PDLIM5: variants seen among roughly 807,000 people sequenced by gnomAD.
PDLIM5 encodes PDZ and LIM domain protein 5.
In PDLIM5, 34 loss-of-function variants were observed where a neutral mutation model predicts 64.2. That is an observed-to-expected ratio of 0.53 (90% CI 0.40 to 0.71). PDLIM5 has a LOEUF of 0.71. Among genes scored for constraint, PDLIM5 ranks in the 30% least tolerant of loss-of-function variants. The pLI, the probability that PDLIM5 is intolerant of heterozygous loss-of-function variation, is 0.00. For synonymous variants in PDLIM5, 253 were observed against 269.1 expected, an observed-to-expected ratio of 0.94 and a Z score of 0.59; for missense variants, 683 against 733.6, an observed-to-expected ratio of 0.93 and a Z score of 0.80.
Position 94,663,975 on chromosome 4 carries a change from C to T in PDLIM5, c.1702-3C>T. 1.3e-6 allele frequency: 2 copies of T among 1,594,180 alleles called. No individual in the cohort carries two copies. The highest frequency in any genetic ancestry group is 1.7e-6 in the Non-Finnish European group (2 of 1,164,130). On this transcript the variant is annotated splice_region_variant and splice_polypyrimidine_tract_variant and intron_variant, in intron 12 of 12. Transcript: ENST00000317968. The stretch of plus-strand genomic sequence containing the variant: ...TATCTCTTAAATGCTGCTTCTTTTT[C>T]AGGTGTGTTGTGAAAGTTTGGAAGG...
intron 3 of PDLIM5, among the ~76,000 whole-genome samples, chr4:94,568,766 G>A (rs1306889552): frequency 6.6e-6 from 1 of 152,078 alleles, no homozygotes; most frequent in African/African-American, 2.4e-5. Context: ...TAAGAAAGAT[G>A]TATGCAAATA....
intron 7 of PDLIM5, among the ~76,000 whole-genome samples, chr4:94,612,233 A>G (rs1203108374): frequency 1.3e-5 from 2 of 152,106 alleles, no homozygotes; most frequent in Non-Finnish European, 2.9e-5. Context: ...ACAAAAACAA[A>G]AGCAAACAAA....
intron 9 of PDLIM5, among the ~76,000 whole-genome samples, chr4:94,653,068 T>C (rs1741962744): frequency 1.3e-5 from 2 of 152,148 alleles, no homozygotes; most frequent in South Asian, 4.1e-4. Context: ...CTCCTGTTAA[T>C]AATCTGCCTG....
At chr4:94,494,429 C>CTTTTTTT (rs1261064734) in intron 2 of PDLIM5, among the ~76,000 whole-genome samples, 2 of 51,602 alleles carry the variant, frequency 3.9e-5, no homozygotes, top group African/African-American at 4.8e-5. Context: ...TTTTTTTTTT[C>CTTTTTTT]TTGTTTTTTT....
intron 7 of PDLIM5, chr4:94,587,041 T>C (rs1736280444): frequency 1.2e-6 from 2 of 1,609,836 alleles, no homozygotes; most frequent in Non-Finnish European, 1.7e-6. Context: ...ATTACGTGAC[T>C]GGCACCATGA....
At chr4:94,484,649 A>G (rs1051195685) in intron 2 of PDLIM5, among the ~76,000 whole-genome samples, 4 of 152,222 alleles carry the variant, frequency 2.6e-5, no homozygotes, top group African/African-American at 7.2e-5. Context: ...ATAGGTACAC[A>G]GCCAGTCAGA....
At chr4:94,535,919 G>A (rs919893699) in intron 3 of PDLIM5, among the ~76,000 whole-genome samples, 3 of 148,138 alleles carry the variant, frequency 2.0e-5, no homozygotes, top group Admixed American at 1.4e-4. Context: ...TGTATTTTTA[G>A]TGGCTGGAGA....
intron 1 of PDLIM5, among the ~76,000 whole-genome samples, chr4:94,453,578 T>C (rs1723054680): frequency 6.6e-6 from 1 of 152,192 alleles, no homozygotes; most frequent in African/African-American, 2.4e-5. Flanking sequence ...TTTCATATTA[T>C]TCCCCAGACA....
At position 94,665,214 on chromosome 4, in the gene PDLIM5, T is replaced by C. The variant is rs930339775; in HGVS notation, c.*1147T>C. ...AGAATAAATAGAGGGCCAGGTGTGG[T>C]GGCTCACGCCTGTGATCCCAGCACT... On this transcript the variant is annotated 3_prime_UTR_variant, in exon 13 of 13. Coordinates refer to ENST00000317968, the MANE Select transcript of PDLIM5 (RefSeq NM_006457.5). The C allele has an allele frequency of 3.7e-5, 31 of 834,320 alleles. No individual in the cohort carries two copies. The African/African-American group carries it at 5.1e-4, about 14-fold the overall frequency. The allele number at this position is 834,320 out of a possible 1,614,324, so 51.7% of individuals were successfully genotyped here.
At chr4:94,546,830 G>GA (rs1216901495) in intron 3 of PDLIM5, among the ~76,000 whole-genome samples, 1 of 122,158 alleles carries the variant, frequency 8.2e-6, no homozygotes, top group South Asian at 4.1e-4. Context: ...TCTGACATTA[G>GA]GCCCCCCCCA....
intron 2 of PDLIM5, among the ~76,000 whole-genome samples, chr4:94,500,771 TTTTA>T (rs111387310): frequency 0.79 from 118,080 of 148,844 alleles, 47,132 homozygotes; most frequent in East Asian, 0.93. Flanking sequence ...AGTTTATGGA[TTTTA>T]TTTATTTATT....
At chr4:94,644,289 A>G (rs1741231240) in intron 9 of PDLIM5, among the ~76,000 whole-genome samples, 2 of 152,206 alleles carry the variant, frequency 1.3e-5, no homozygotes, top group Admixed American at 1.3e-4. Flanking sequence ...TATGTAGTAG[A>G]TAATGGAACC....
intron 3 of PDLIM5, among the ~76,000 whole-genome samples, chr4:94,546,817 CCTT>C (rs1034088681): frequency 7.8e-5 from 11 of 141,628 alleles, no homozygotes; most frequent in Middle Eastern, 3.6e-3. Flanking sequence ...CCCTAGCACT[CCTT>C]CTGACATTAG....
chr4:94,574,704 G>A (rs989759779), intron 4 of PDLIM5, among the ~76,000 whole-genome samples: 4 of 152,088 alleles, frequency 2.6e-5, no homozygotes, highest in African/African-American at 9.7e-5. Flanking sequence ...TGTTGTAGAA[G>A]CTTAGTCTGA....
At chr4:94,454,657 A>G (rs1030772845) in intron 1 of PDLIM5, among the ~76,000 whole-genome samples, 6 of 152,244 alleles carry the variant, frequency 3.9e-5, no homozygotes, top group Non-Finnish European at 8.8e-5. Flanking sequence ...GGAAAATACC[A>G]TGTCCCCATA....
intron 7 of PDLIM5, among the ~76,000 whole-genome samples, chr4:94,605,003 G>T (rs1443138062): frequency 6.6e-6 from 1 of 152,176 alleles, no homozygotes; most frequent in Non-Finnish European, 1.5e-5. Context: ...ACAGTCAAGT[G>T]AGTATAATGT....
chr4:94,523,221 C>T (rs1005030924), intron 2 of PDLIM5, among the ~76,000 whole-genome samples: 11 of 152,148 alleles, frequency 7.2e-5, no homozygotes, highest in African/African-American at 2.7e-4. Context: ...AATTCAATCC[C>T]CAAACCCTGG....
intron 2 of PDLIM5, among the ~76,000 whole-genome samples, chr4:94,481,542 A>G (rs1378857877): frequency 2.0e-5 from 3 of 151,452 alleles, no homozygotes; most frequent in Non-Finnish European, 2.9e-5. Flanking sequence ...TCGCCTCCGA[A>G]AGTGCTGGGA....
rs114255444 is a variant in PDLIM5, at chr4:94,662,433, C to G, written c.1597C>G (p.Leu533Val). ...CTCCCTTAATACAGATTATTATGCC[C>G]TCTTTGGTACTATATGCCATGGATG... ...EPYCETDYYA[L>V]FGTICHGCEF... Residue 533 changes from leucine (L) to valine (V), a missense_variant, in exon 12 of 13, where the codon CTC (leucine) becomes GTC (valine). By Grantham distance (32) the Leu-to-Val change is conservative. Coordinates refer to ENST00000317968, the MANE Select transcript of PDLIM5 (RefSeq NM_006457.5). 7.3e-5 allele frequency: 111 copies of G among 1,517,218 alleles called. 1 individual carries two copies. In the Middle Eastern group the frequency reaches 3.1e-3, roughly 42 times the overall value. The allele number at this position is 1,517,218 out of a possible 1,614,324, so 94.0% of individuals were successfully genotyped here.
Sources: allele counts gnomAD v4.1 joint callset (sites outside exome capture counted in the v4.1 genomes callset), GRCh38; gene constraint gnomAD v4.1.1; transcripts MANE v1.5; gene names NCBI Gene and HGNC (gene_info 2026-07-23, HGNC 2026-07-21).